The following DNAJC9 variants were observed in gnomAD, a reference collection of about 807,000 sequenced individuals.
DNAJC9 encodes the protein dnaJ homolog subfamily C member 9.
In DNAJC9, 18 loss-of-function variants were observed where a neutral mutation model predicts 32.4. The ratio of observed to expected loss-of-function variants is 0.56; its 90% CI spans 0.38 to 0.82. The LOEUF (loss-of-function observed/expected upper bound fraction) is 0.82. Among genes scored for constraint, DNAJC9 ranks in the 40% least tolerant of loss-of-function variants. DNAJC9 has a pLI of 0.00. For missense variants in DNAJC9, 310 were observed against 321.8 expected (o/e 0.96, Z 0.28); for synonymous variants, 113 against 122.1 (o/e 0.93, Z 0.49).
Position 73,242,378 on chromosome 10 carries a change from TAAC to T in DNAJC9, c.*1019_*1021del, listed in dbSNP as rs1468623502. 1 of 152,104 alleles carries T rather than the reference TAAC, an allele frequency of 6.6e-6. No individual in the cohort carries two copies. Among genetic ancestry groups the T allele is most frequent in the Non-Finnish European group, 1.5e-5 (1 of 68,022 alleles). 9.4% of individuals were successfully genotyped at this position (152,104 alleles called of 1,614,324 possible). A position where few individuals can be genotyped will look rare whatever the true frequency, so the allele number is the denominator to read the frequency against. On this transcript the variant is annotated 3_prime_UTR_variant, in exon 5 of 5. Coordinates refer to ENST00000372950, the MANE Select transcript of DNAJC9 (RefSeq NM_015190.5). ...ACAAACCATTACCATGAGTTCACTA[TAAC>T]AACTGGATCAATATGGCTTGCCTTT...
At chr10:73,240,128 C>G (rs541128126), downstream of DNAJC9, among the ~76,000 whole-genome samples, 2 of 152,282 alleles carry the variant, frequency 1.3e-5, no homozygotes, top group South Asian at 4.1e-4. Context: ...CTATGTTGCC[C>G]AGGCTGCAGG....
At chr10:73,246,256 G>T in intron 2 of DNAJC9, 80 bp from the exon 3 acceptor site, 1 of 1,464,016 alleles carries the variant, frequency 6.8e-7, no homozygotes. Context: ...AGAGTTGGGT[G>T]TTGAATTGCT....
downstream of DNAJC9, chr10:73,240,872 G>A: frequency 1.2e-6 from 1 of 868,076 alleles, no homozygotes; most frequent in Non-Finnish European, 1.9e-6. Context: ...GAGCAAAAAA[G>A]CCCTTAGCTA....
chr10:73,246,554 G>T, intron 2 of DNAJC9, 134 bp downstream of exon 2: 1 of 1,007,754 alleles, frequency 9.9e-7, no homozygotes, highest in Non-Finnish European at 1.5e-6. Context: ...GCGTGTATCT[G>T]TATTTCAAGG....
Position 73,233,090 on chromosome 10 carries a change from C to T in DNAJC9, n.147+10753G>A, listed in dbSNP as rs1472422884. On this transcript the variant is annotated intron_variant and non_coding_transcript_variant, in intron 2 of 2. Transcript: ENST00000469143. ...ACGCAATCCACCACCACGAACTCTT[C>T]ATCCGATCAGCACGAGCCATTCATG... 9 of 1,551,716 alleles carry T rather than the reference C, an allele frequency of 5.8e-6. No homozygotes were observed. In the East Asian group the frequency reaches 9.8e-5, roughly 17 times the overall value.
downstream of DNAJC9, chr10:73,235,148 T>C: frequency 6.5e-7 from 1 of 1,546,062 alleles, no homozygotes; most frequent in Non-Finnish European, 8.8e-7. Context: ...CATACCACAT[T>C]ACAGATAGTT....
At position 73,242,131 on chromosome 10, in the gene DNAJC9, A is replaced by C. The variant is rs1427523979; in HGVS notation, c.*1269T>G. On this transcript the variant is annotated 3_prime_UTR_variant, in exon 5 of 5. Coordinates refer to ENST00000372950, the MANE Select transcript of DNAJC9 (RefSeq NM_015190.5). ...TCATATGAAGACAGATGCTTCAAAC[A>C]ACCTGCATTAAATTATATTTTTAAT... 1 of 152,204 alleles carries C rather than the reference A, an allele frequency of 6.6e-6. No homozygotes were observed. Among genetic ancestry groups the C allele is most frequent in the Non-Finnish European group, 1.5e-5 (1 of 68,032 alleles). The allele number at this position is 152,204 out of a possible 1,614,324, so 9.4% of individuals were successfully genotyped here.
intron 4 of DNAJC9, 110 bp from the exon 5 acceptor site, chr10:73,243,629 T>G: frequency 1.6e-5 from 23 of 1,406,542 alleles, no homozygotes; most frequent in Non-Finnish European, 2.1e-5. Flanking sequence ...GGTATGGAGT[T>G]TTTTTGGAAT....
At chr10:73,245,761 CTT>C (rs1380051237) in intron 3 of DNAJC9, among the ~76,000 whole-genome samples, 159 bp downstream of exon 3, 2 of 152,198 alleles carry the variant, frequency 1.3e-5, no homozygotes. Flanking sequence ...AAAAGTTTCT[CTT>C]GATGAACTGG....
chr10:73,233,917 T>C (rs1215432442), downstream of DNAJC9, among the ~76,000 whole-genome samples: 1 of 152,200 alleles, frequency 6.6e-6, no homozygotes, highest in Non-Finnish European at 1.5e-5. Context: ...CTCAGATAAG[T>C]AGTTGCTTAC....
In DNAJC9 at chr10:73,242,158, A is replaced by C. The variant is rs1305273120; in HGVS notation, c.*1242T>G. On this transcript the variant is annotated 3_prime_UTR_variant, in exon 5 of 5. Transcript: ENST00000372950. ...CCTGCATTAAATTATATTTTTAATA[A>C]AATTAAAATCTATTTTTAACCTATT... The C allele has an allele frequency of 6.6e-6, 1 of 152,218 alleles. No homozygotes were observed. Among genetic ancestry groups the C allele is most frequent in the Non-Finnish European group, 1.5e-5 (1 of 68,030 alleles). 9.4% of individuals were successfully genotyped at this position (152,218 alleles called of 1,614,324 possible). A position where few individuals can be genotyped will look rare whatever the true frequency, so the allele number is the denominator to read the frequency against.
At chr10:73,234,829 C>G (rs778281633), downstream of DNAJC9, 1 of 1,551,520 alleles carries the variant, frequency 6.4e-7, no homozygotes, top group Non-Finnish European at 8.7e-7. Flanking sequence ...CAGTGGCACC[C>G]GACTCGCTCT....
intron 3 of DNAJC9, 135 bp from the exon 4 acceptor site, chr10:73,244,064 A>C: frequency 7.5e-6 from 5 of 663,176 alleles, no homozygotes; most frequent in East Asian, 2.9e-5. Context: ...GAATTACATA[A>C]CTATGTCATT....
chr10:73,236,790 A>G (rs541547952), downstream of DNAJC9, among the ~76,000 whole-genome samples: 3 of 148,174 alleles, frequency 2.0e-5, no homozygotes, highest in East Asian at 4.0e-4. Flanking sequence ...AGCACAGCTC[A>G]CTGCAGCCTC....
downstream of DNAJC9, chr10:73,240,836 C>A (rs573465038): frequency 8.8e-6 from 6 of 685,192 alleles, no homozygotes; most frequent in Non-Finnish European, 1.6e-5. Flanking sequence ...TGCTTTCATA[C>A]CTTAAGAAAG....
At chr10:73,234,809 A>C, downstream of DNAJC9, 1 of 1,551,106 alleles carries the variant, frequency 6.4e-7, no homozygotes, top group African/African-American at 1.4e-5. Flanking sequence ...TGTTGGTGGG[A>C]TCTGCAGCCC....
At chr10:73,241,020 G>C (rs1250371910), downstream of DNAJC9, 4 of 1,518,538 alleles carry the variant, frequency 2.6e-6, no homozygotes, top group Non-Finnish European at 3.6e-6. Context: ...GGGACCATAA[G>C]GCAAATGAGA....
chr10:73,235,627 C>G, downstream of DNAJC9: 2 of 349,014 alleles, frequency 5.7e-6, no homozygotes, highest in South Asian at 7.3e-5. Context: ...TTATGTAATC[C>G]TGTTCTTCTG....
downstream of DNAJC9, chr10:73,241,158 C>A (rs1369818099): frequency 3.1e-6 from 2 of 646,868 alleles, no homozygotes; most frequent in Non-Finnish European, 5.6e-6. Context: ...CACAAGTGAC[C>A]GAAGAACAAA....
Sources: gnomAD v4.1 joint callset for allele counts (sites outside exome capture counted in the v4.1 genomes callset) on GRCh38, gnomAD v4.1.1 for gene constraint, MANE v1.5 for transcripts, NCBI Gene and HGNC (gene_info 2026-07-23, HGNC 2026-07-21) for gene names.